The following LRRC7 variants were observed in gnomAD, a reference collection of about 807,000 sequenced individuals.
LRRC7 encodes the protein leucine rich repeat containing 7.
LRRC7 carries 23 observed loss-of-function variants against 175.7 expected under a neutral mutation model. That is an observed-to-expected ratio of 0.13 (90% CI 0.09 to 0.19). LRRC7 has a LOEUF of 0.19. LRRC7 is among the 10% of genes least tolerant of loss of function. The probability of loss-of-function intolerance (pLI) is 1.00; values close to 1 mark genes in which losing one functional copy is unlikely to be tolerated. For synonymous variants in LRRC7, 685 were observed against 680.9 expected (o/e 1.01, Z -0.09); for missense variants, 1,354 against 1,904.7 (o/e 0.71, Z 5.38).
intron 3 of LRRC7, among the ~76,000 whole-genome samples, chr1:69,778,075 C>T (rs1673018560): frequency 6.6e-6 from 1 of 152,272 alleles, no homozygotes; most frequent in African/African-American, 2.4e-5. Flanking sequence ...AAACACAAAG[C>T]TTTTCTTGCC....
chr1:69,717,954 A>AAG (rs1228447234), intron 2 of LRRC7, among the ~76,000 whole-genome samples: 1 of 105,938 alleles, frequency 9.4e-6, no homozygotes, highest in African/African-American at 4.1e-5. Context: ...GAAAGAAAGA[A>AAG]AGAAGAAAAA....
At chr1:69,882,937 A>G (rs1394506628) in intron 7 of LRRC7, among the ~76,000 whole-genome samples, 1 of 152,066 alleles carries the variant, frequency 6.6e-6, no homozygotes, top group East Asian at 1.9e-4. Flanking sequence ...TACAAAGGAC[A>G]TGAACTTATC....
At chr1:69,917,853 G>A (rs1646767075) in intron 7 of LRRC7, among the ~76,000 whole-genome samples, 1 of 152,106 alleles carries the variant, frequency 6.6e-6, no homozygotes, top group South Asian at 2.1e-4. Flanking sequence ...ATAAGATTAT[G>A]TGCATAATGC....
Position 69,717,830 on chromosome 1 carries a change from GAAAGAAAGAAA to G in LRRC7, c.100+39364_100+39374del, listed in dbSNP as rs1665658913. Among the ~76,000 whole-genome samples the G allele has an allele frequency of 2.5e-4, 7 of 28,356 alleles. 1 individual carries two copies. The highest frequency in any genetic ancestry group is 1.2e-3 in the African/African-American group (6 of 5,052). 18.6% of individuals were successfully genotyped at this position (28,356 alleles called of 152,430 possible). On this transcript the variant is annotated intron_variant, in intron 2 of 26. Transcript: ENST00000651989. ...AGAAAGAAAGAAAGAAAGAAAGAAA[GAAAGAAAGAAA>G]AAAGAAAGAAAGGAAAGAAAGAAAG...
chr1:69,950,470 A>G (rs1570774494), intron 8 of LRRC7, among the ~76,000 whole-genome samples: 1 of 152,288 alleles, frequency 6.6e-6, no homozygotes, highest in South Asian at 2.1e-4. Flanking sequence ...TTAAACTGAA[A>G]TAAGACTACC....
At chr1:69,978,186 G>A (rs964225738) in intron 8 of LRRC7, among the ~76,000 whole-genome samples, 1 of 152,128 alleles carries the variant, frequency 6.6e-6, no homozygotes, top group African/African-American at 2.4e-5. Flanking sequence ...GGGAGGCCGA[G>A]GCAGGAGAAT....
chr1:69,897,544 T>A (rs1646014108), intron 7 of LRRC7, among the ~76,000 whole-genome samples: 1 of 152,188 alleles, frequency 6.6e-6, no homozygotes, highest in Non-Finnish European at 1.5e-5. Context: ...TTGACTTTAC[T>A]CCTATCTCAT....
intron 17 of LRRC7, among the ~76,000 whole-genome samples, chr1:70,027,783 T>C (rs2101993858): frequency 6.6e-6 from 1 of 152,178 alleles, no homozygotes; most frequent in East Asian, 1.9e-4. Context: ...ATACTCTTAA[T>C]ATCAACATTA....
chr1:69,787,429 T>C (rs1203524913), intron 3 of LRRC7, among the ~76,000 whole-genome samples: 2 of 152,242 alleles, frequency 1.3e-5, no homozygotes, highest in Non-Finnish European at 2.9e-5. Flanking sequence ...CCCTCTGCAC[T>C]GCCCTCGCAG....
intron 6 of LRRC7, among the ~76,000 whole-genome samples, chr1:69,835,781 G>T (rs115197506): frequency 0.016 from 2,446 of 151,870 alleles, 59 homozygotes; most frequent in African/African-American, 0.055. Context: ...TAGGATATTG[G>T]TTAAATATAT....
intron 1 of LRRC7, among the ~76,000 whole-genome samples, chr1:69,616,272 G>A (rs1649602005): frequency 6.6e-6 from 1 of 151,892 alleles, no homozygotes; most frequent in Non-Finnish European, 1.5e-5. Context: ...GGTCTTTTGG[G>A]TTACTTTAAA....
intron 7 of LRRC7, among the ~76,000 whole-genome samples, chr1:69,854,319 A>G (rs1477335417): frequency 6.6e-6 from 1 of 152,086 alleles, no homozygotes; most frequent in Admixed American, 6.6e-5. Flanking sequence ...ACAATGTGGT[A>G]AGATCCCATC....
intron 7 of LRRC7, among the ~76,000 whole-genome samples, chr1:69,891,944 A>C (rs760865003): frequency 1.2e-4 from 18 of 151,156 alleles, no homozygotes; most frequent in Admixed American, 2.7e-4. Flanking sequence ...AAAGTGCAAT[A>C]AAATGACACG....
rs1485804004 is a variant in LRRC7, at chr1:69,887,736, C to T, written c.648-43771C>T. ...CAGTTTTTCTGTTCTGTTTTTTCCC[C>T]ATCTTTGTGGTTTTATCTACTTTTG... is the stretch of plus-strand genomic sequence containing the variant. On this transcript the variant is annotated intron_variant, in intron 7 of 26. Transcript: ENST00000651989. 9.4e-5 allele frequency among the ~76,000 whole-genome samples: 14 copies of T among 149,510 alleles called. No individual in the cohort carries two copies. In the East Asian group the frequency reaches 2.8e-3, roughly 30 times the overall value.
At chr1:70,115,368 G>A (rs1571362670) in intron 26 of LRRC7, among the ~76,000 whole-genome samples, 1 of 152,080 alleles carries the variant, frequency 6.6e-6, no homozygotes, top group East Asian at 1.9e-4. Context: ...TTATCGTTTT[G>A]TATATCTCAT....
intron 8 of LRRC7, among the ~76,000 whole-genome samples, chr1:69,961,918 A>G (rs911562029): frequency 2.0e-5 from 3 of 152,204 alleles, no homozygotes; most frequent in Admixed American, 2.0e-4. Context: ...CATTCAGGAC[A>G]TAGGCATGGG....
At chr1:69,906,660 T>C (rs1458901942) in intron 7 of LRRC7, among the ~76,000 whole-genome samples, 1 of 152,168 alleles carries the variant, frequency 6.6e-6, no homozygotes, top group South Asian at 2.1e-4. Flanking sequence ...TTGGTTACTG[T>C]AGCCTTGTAG....
chr1:70,123,972 T>C lies in LRRC7; in HGVS notation c.*2085T>C, dbSNP rs1038536566. ...TGCCCCAAGTCTTTTTCTTATGGTT[T>C]CTATATCAAACCCAGGGCTTCAGGA... is the stretch of plus-strand genomic sequence containing the variant. On this transcript the variant is annotated 3_prime_UTR_variant, in exon 27 of 27. Coordinates refer to ENST00000651989, the MANE Select transcript of LRRC7 (RefSeq NM_001370785.2). Among the ~76,000 whole-genome samples the C allele has an allele frequency of 1.3e-5, 2 of 152,152 alleles. No homozygotes were observed. The highest frequency in any genetic ancestry group is 4.8e-5 in the African/African-American group (2 of 41,428).
At chr1:69,709,514 G>C (rs1241238389) in intron 2 of LRRC7, among the ~76,000 whole-genome samples, 2 of 152,176 alleles carry the variant, frequency 1.3e-5, no homozygotes, top group Admixed American at 1.3e-4. Context: ...TGGGGTCTTT[G>C]ATGACAAGAG....
Sources: gnomAD v4.1 joint callset for allele counts (sites outside exome capture counted in the v4.1 genomes callset) on GRCh38, gnomAD v4.1.1 for gene constraint, MANE v1.5 for transcripts, NCBI Gene and HGNC (gene_info 2026-07-23, HGNC 2026-07-21) for gene names.